Variants in UNC5C observed in about 807,000 individuals in gnomAD.
UNC5C encodes the protein unc-5 netrin receptor C, also known as netrin receptor UNC5C.
A neutral mutation model predicts 99.8 loss-of-function variants in UNC5C; 47 were observed. That is an observed-to-expected ratio of 0.47 (90% CI 0.37 to 0.60). The LOEUF (loss-of-function observed/expected upper bound fraction) is 0.60. Ranked by LOEUF, UNC5C falls within the 20% of genes least tolerant of loss-of-function variation. UNC5C has a pLI of 0.00. For missense variants in UNC5C, 1,062 were observed against 1,165.9 expected (o/e 0.91, Z 1.30); for synonymous variants, 487 against 452.2 (o/e 1.08, Z -0.98).
chr4:95,326,638 A>G (rs1742894291), intron 2 of UNC5C, among the ~76,000 whole-genome samples: 1 of 152,208 alleles, frequency 6.6e-6, no homozygotes, highest in African/African-American at 2.4e-5. Context: ...AAGAAATGCA[A>G]CTGTGGTTTA....
At chr4:95,315,198 C>A (rs1742428221) in intron 2 of UNC5C, among the ~76,000 whole-genome samples, 1 of 151,964 alleles carries the variant, frequency 6.6e-6, no homozygotes, top group Admixed American at 6.6e-5. Flanking sequence ...ATATTATATT[C>A]CATATCATTT....
In UNC5C at chr4:95,482,322, C is replaced by G. The variant is rs1440804818; in HGVS notation, c.124+66412G>C. 3.3e-5 allele frequency among the ~76,000 whole-genome samples: 5 copies of G among 152,122 alleles called. No individual in the cohort carries two copies. The South Asian group carries it at 1.0e-3, about 32-fold the overall frequency. On this transcript the variant is annotated intron_variant, in intron 1 of 15. Transcript: ENST00000453304. ...AACCACAATGAGATACCATCTCACA[C>G]CAGTTAGAATGGCAGTCATTAAAAA...
chr4:95,253,686 A>AG (rs1739842142), intron 4 of UNC5C, among the ~76,000 whole-genome samples: 1 of 152,154 alleles, frequency 6.6e-6, no homozygotes, highest in Non-Finnish European at 1.5e-5. Context: ...GGGAATGAAG[A>AG]GGGGGGCCCA....
chr4:95,400,850 G>A (rs1379065612), intron 1 of UNC5C, among the ~76,000 whole-genome samples: 3 of 152,312 alleles, frequency 2.0e-5, no homozygotes, highest in African/African-American at 2.4e-5. Flanking sequence ...GCCTGGTCAC[G>A]TAATTCACAG....
intron 12 of UNC5C, among the ~76,000 whole-genome samples, chr4:95,194,200 T>C (rs1737280178): frequency 6.6e-6 from 1 of 152,206 alleles, no homozygotes; most frequent in African/African-American, 2.4e-5. Context: ...GTCACTTGTC[T>C]ACCTCTGGGC....
chr4:95,229,898 C>A (rs1030364186), intron 7 of UNC5C, among the ~76,000 whole-genome samples: 1 of 148,434 alleles, frequency 6.7e-6, no homozygotes, highest in Admixed American at 6.8e-5. Context: ...GCAACCTGCA[C>A]CTCCTGGGTT....
chr4:95,228,918 G>A (rs1397195637), intron 7 of UNC5C, among the ~76,000 whole-genome samples: 1 of 152,160 alleles, frequency 6.6e-6, no homozygotes, highest in Non-Finnish European at 1.5e-5. Context: ...GCAAAGAGGT[G>A]TACCAAACCT....
chr4:95,264,660 T>G (rs185275254), intron 4 of UNC5C, among the ~76,000 whole-genome samples: 1 of 152,124 alleles, frequency 6.6e-6, no homozygotes, highest in Non-Finnish European at 1.5e-5. Context: ...GAGTGAAATA[T>G]TCCCAATCCC....
chr4:95,337,612 T>C (rs1236473926), intron 1 of UNC5C, among the ~76,000 whole-genome samples: 2 of 152,090 alleles, frequency 1.3e-5, no homozygotes, highest in East Asian at 3.9e-4. Flanking sequence ...AATTTAACAA[T>C]ATATTTAGAA....
intron 10 of UNC5C, among the ~76,000 whole-genome samples, chr4:95,215,779 T>C (rs1738225484): frequency 6.6e-6 from 1 of 152,144 alleles, no homozygotes; most frequent in African/African-American, 2.4e-5. Flanking sequence ...ACAGGCTGGA[T>C]TCCTGAGCCA....
rs1280773317 is a variant in UNC5C at position 95,169,365 on chromosome 4, T to G, written c.2665A>C (p.Thr889Pro). Reference protein sequence around the residue: ...LNYFATKSSPTGVILDLWEAQ... With the variant: ...LNYFATKSSPPGVILDLWEAQ... ...TCCCAAAGATCCAGGATTACGCCAG[T>G]TGGGCTGGATTTGGTGGCAAAGTAA... Residue 889 changes from threonine to proline, a missense_variant, in exon 16 of 16, where the codon ACT becomes CCT. Around this residue, in one of 3 missense-constraint regions of UNC5C, gnomAD observed 810 missense variants for 854.5 expected, o/e 0.95. Transcript: ENST00000453304. The G allele has an allele frequency of 5.6e-6, 9 of 1,614,206 alleles. No homozygotes were observed. The highest frequency in any genetic ancestry group is 6.8e-6 in the Non-Finnish European group (8 of 1,180,014).
intron 1 of UNC5C, among the ~76,000 whole-genome samples, chr4:95,512,580 T>C (rs1722107964): frequency 6.6e-6 from 1 of 152,152 alleles, no homozygotes; most frequent in South Asian, 2.1e-4. Context: ...GAGAGTTTCA[T>C]ATGAATAACT....
chr4:95,271,128 C>T (rs143785690), intron 4 of UNC5C, among the ~76,000 whole-genome samples: 6 of 152,356 alleles, frequency 3.9e-5, no homozygotes, highest in Non-Finnish European at 7.3e-5. Flanking sequence ...TTTGAAAACC[C>T]TCCTGCTCTG....
At chr4:95,492,427 A>C (rs1721520099) in intron 1 of UNC5C, among the ~76,000 whole-genome samples, 3 of 151,396 alleles carry the variant, frequency 2.0e-5, no homozygotes. Context: ...GAAAGCATCC[A>C]GTTACTAAGC....
intron 4 of UNC5C, among the ~76,000 whole-genome samples, chr4:95,268,986 C>T (rs771262066): frequency 4.6e-5 from 7 of 152,212 alleles, no homozygotes; most frequent in Non-Finnish European, 1.0e-4. Context: ...CCAAGCCAAG[C>T]TTCTCCAAGG....
intron 1 of UNC5C, among the ~76,000 whole-genome samples, chr4:95,336,203 C>T (rs1220880260): frequency 6.6e-6 from 1 of 151,870 alleles, no homozygotes; most frequent in Non-Finnish European, 1.5e-5. Context: ...ATAATTTGCA[C>T]ACTTTGAGAT....
At position 95,234,228 on chromosome 4, in the gene UNC5C, T is replaced by C. The variant is rs370739741; in HGVS notation, c.1108+8201A>G. Among the ~76,000 whole-genome samples, 59 of 152,292 alleles carry C rather than the reference T, an allele frequency of 3.9e-4. No homozygotes were observed. The South Asian group carries it at 0.011, about 29-fold the overall frequency. On this transcript the variant is annotated intron_variant, in intron 7 of 15. Transcript: ENST00000453304. ...GGGATGATATAAAGAAACCTAAGTA[T>C]TTTAATATGTACACAGTACAACTGG...
intron 1 of UNC5C, among the ~76,000 whole-genome samples, chr4:95,445,963 C>CG (rs1553973631): frequency 1.2e-5 from 1 of 84,800 alleles, no homozygotes; most frequent in Non-Finnish European, 2.4e-5. Context: ...AAAGAGCCTG[C>CG]AAAAAAAACA....
chr4:95,249,079 G>A (rs1364933408), intron 5 of UNC5C, among the ~76,000 whole-genome samples: 1 of 152,082 alleles, frequency 6.6e-6, no homozygotes. Flanking sequence ...TTTTGTTACA[G>A]TTTCCTACAG....
Sources: allele counts gnomAD v4.1 joint callset (sites outside exome capture counted in the v4.1 genomes callset), GRCh38; gene constraint gnomAD v4.1.1; regional missense constraint gnomAD v4.1.1; transcripts MANE v1.5; gene names NCBI Gene and HGNC (gene_info 2026-07-23, HGNC 2026-07-21).